Variants in TMEM80 observed in about 807,000 individuals in gnomAD.
TMEM80 encodes transmembrane protein 80.
Under a neutral mutation model 13.6 loss-of-function variants are expected in TMEM80, and 16 were observed. That is an observed-to-expected ratio of 1.17 (90% CI 0.79 to 1.78). The LOEUF is 1.78. Ranked by LOEUF, TMEM80 falls within the 40% of genes most tolerant of loss-of-function variation. The probability of loss-of-function intolerance (pLI) is 0.00; values close to 1 mark genes in which losing one functional copy is unlikely to be tolerated. For missense variants in TMEM80, 167 were observed against 184.6 expected (o/e 0.90, Z 0.55); for synonymous variants, 92 against 89.5 (o/e 1.03, Z -0.16).
chr11:704,371 G>C, downstream of TMEM80: 1 of 1,092,794 alleles, frequency 9.2e-7, no homozygotes, highest in Non-Finnish European at 1.2e-6. Context: ...TTTCCTGCCT[G>C]TCTTCGTGGA....
At chr11:704,222 C>A, downstream of TMEM80, 1 of 929,080 alleles carries the variant, frequency 1.1e-6, no homozygotes, top group Non-Finnish European at 1.4e-6. Context: ...CAGTTCCTGG[C>A]TGGCCTCGCC....
downstream of TMEM80, chr11:704,913 C>T (rs1207671662): frequency 1.4e-5 from 5 of 352,136 alleles, no homozygotes; most frequent in Non-Finnish European, 2.8e-5. Flanking sequence ...GGTGAGGGCA[C>T]GGGTGCACCG....
chr11:702,283 G>A (rs1417290055), intron 4 of TMEM80, among the ~76,000 whole-genome samples: 1 of 152,242 alleles, frequency 6.6e-6, no homozygotes, highest in Non-Finnish European at 1.5e-5. Context: ...TGCCCCCCAG[G>A]GCGGGCACTG....
At chr11:702,023 TC>T (rs1454886123) in intron 4 of TMEM80, among the ~76,000 whole-genome samples, 8 of 152,206 alleles carry the variant, frequency 5.3e-5, no homozygotes, top group Non-Finnish European at 1.2e-4. Flanking sequence ...AATGGGCACT[TC>T]CAGGGCGCTG....
Position 700,022 on chromosome 11 carries a change from T to C in TMEM80, c.40-120T>C. The stretch of plus-strand genomic sequence containing the variant: ...ATAGGCAGTGAGCCATTGCCAAGAC[T>C]CCATGGTCCCTTGGTGTCTGTGGCC... On this transcript the variant is annotated intron_variant, in intron 2 of 4. Coordinates refer to ENST00000397510, the MANE Select transcript of TMEM80 (RefSeq NM_001042463.3). 3 of 748,968 alleles carry C rather than the reference T, an allele frequency of 4.0e-6. No individual in the cohort carries two copies. In the South Asian group the frequency reaches 5.1e-5, roughly 13 times the overall value. 46.4% of individuals were successfully genotyped at this position (748,968 alleles called of 1,614,324 possible).
rs139696184 is a variant in TMEM80, at chr11:700,343, A to C, written c.133+108A>C. ...GGAGTTTGAGACCAGCCAGGCCAAC[A>C]TGGGGAAACCCCATCTCTACTAAAA... On this transcript the variant is annotated intron_variant, in intron 3 of 4. Transcript: ENST00000397510. 9.7e-6 allele frequency: 10 copies of C among 1,030,044 alleles called. No individual in the cohort carries two copies. The East Asian group carries it at 2.4e-4, about 25-fold the overall frequency. 63.8% of individuals were successfully genotyped at this position (1,030,044 alleles called of 1,614,324 possible). A position where few individuals can be genotyped will look rare whatever the true frequency, so the allele number is the denominator to read the frequency against.
At position 703,668 on chromosome 11, in the gene TMEM80, A is replaced by G. The variant is rs953260754; in HGVS notation, c.*518A>G. 7.3e-6 allele frequency: 9 copies of G among 1,232,176 alleles called. No homozygotes were observed. The highest frequency in any genetic ancestry group is 1.6e-5 in the African/African-American group (1 of 64,402). The allele number at this position is 1,232,176 out of a possible 1,614,324, so 76.3% of individuals were successfully genotyped here. On this transcript the variant is annotated 3_prime_UTR_variant, in exon 5 of 5. Coordinates refer to ENST00000397510, the MANE Select transcript of TMEM80 (RefSeq NM_001042463.3). Reference sequence around the variant, plus strand: ...TGGGGTAGGCCTTGTGCTCTGAGCAACCCCAGCTCTGCCTCACAGGCAGGC... The same window carrying G: ...TGGGGTAGGCCTTGTGCTCTGAGCAGCCCCAGCTCTGCCTCACAGGCAGGC...
At chr11:698,675 C>T (rs1861308013) in intron 1 of TMEM80, among the ~76,000 whole-genome samples, 194 bp from the exon 2 acceptor site, 1 of 152,130 alleles carries the variant, frequency 6.6e-6, no homozygotes, top group African/African-American at 2.4e-5. Flanking sequence ...GCAGAGACTC[C>T]TAGCCTCATT....
chr11:700,083 G>C (rs562629066), intron 2 of TMEM80, 59 bp from the exon 3 acceptor site: 3 of 1,465,784 alleles, frequency 2.0e-6, no homozygotes, highest in Non-Finnish European at 2.9e-6. Flanking sequence ...CTCTTGTTCA[G>C]CCACCTGGGA....
chr11:703,868 A>T lies in TMEM80; in HGVS notation c.*718A>T. ...GCAGGAGAGAGAGCAGCGGAGGGCC[A>T]CATTCGGAGCCTCCGTCCACTCCAG... On this transcript the variant is annotated 3_prime_UTR_variant, in exon 5 of 5. Coordinates refer to ENST00000397510, the MANE Select transcript of TMEM80 (RefSeq NM_001042463.3). 8.1e-7 allele frequency: 1 copy of T among 1,236,898 alleles called. No individual in the cohort carries two copies. Among genetic ancestry groups the T allele is most frequent in the Non-Finnish European group, 1.0e-6 (1 of 991,600 alleles). 76.6% of individuals were successfully genotyped at this position (1,236,898 alleles called of 1,614,324 possible). A position where few individuals can be genotyped will look rare whatever the true frequency, so the allele number is the denominator to read the frequency against.
intron 3 of TMEM80, 69 bp from the exon 4 acceptor site, chr11:700,546 A>G: frequency 3.3e-6 from 4 of 1,207,220 alleles, no homozygotes; most frequent in South Asian, 2.6e-5. Context: ...AAAAAGGAAA[A>G]GGCAAGCTGA....
chr11:699,329 G>A (rs968688319), intron 2 of TMEM80: 5 of 201,600 alleles, frequency 2.5e-5, no homozygotes, highest in South Asian at 9.8e-5. Flanking sequence ...GGCATCAGGC[G>A]GGAGCCACTG....
intron 4 of TMEM80, 113 bp downstream of exon 4, chr11:700,820 A>T (rs1181409792): frequency 2.3e-5 from 23 of 1,012,692 alleles, no homozygotes; most frequent in Admixed American, 6.9e-5. Flanking sequence ...TTTTTTATCC[A>T]AACTGCTTAC....
At chr11:697,151 G>A (rs1861229787) in intron 1 of TMEM80, among the ~76,000 whole-genome samples, 1 of 151,788 alleles carries the variant, frequency 6.6e-6, no homozygotes. Context: ...CTACGTGGGA[G>A]GCTGAGGCTG....
At chr11:700,560 G>GGCT in intron 3 of TMEM80, 55 bp from the exon 4 acceptor site, 1 of 1,359,784 alleles carries the variant, frequency 7.4e-7, no homozygotes, top group Non-Finnish European at 1.0e-6. Context: ...AAGCTGAGGT[G>GGCT]GCTGCTGCTG....
intron 1 of TMEM80, 67 bp downstream of exon 1, chr11:695,913 A>C: frequency 8.5e-7 from 1 of 1,172,790 alleles, no homozygotes; most frequent in Non-Finnish European, 1.1e-6. Context: ...CTGTGGTGAC[A>C]ATCCGGTTTC....
chr11:704,471 A>G, downstream of TMEM80: 1 of 1,289,398 alleles, frequency 7.8e-7, no homozygotes, highest in African/African-American at 1.5e-5. Context: ...GACAGCCCTG[A>G]GGACCCACTT....
chr11:703,873 C>G lies in TMEM80; in HGVS notation c.*723C>G. The G allele has an allele frequency of 8.1e-7, 1 of 1,237,360 alleles. No homozygotes were observed. Among genetic ancestry groups the G allele is most frequent in the Non-Finnish European group, 1.0e-6 (1 of 991,950 alleles). The allele number at this position is 1,237,360 out of a possible 1,614,324, so 76.6% of individuals were successfully genotyped here. A position where few individuals can be genotyped will look rare whatever the true frequency, so the allele number is the denominator to read the frequency against. On this transcript the variant is annotated 3_prime_UTR_variant, in exon 5 of 5. Coordinates refer to ENST00000397510, the MANE Select transcript of TMEM80 (RefSeq NM_001042463.3). ...AGAGAGAGCAGCGGAGGGCCACATT[C>G]GGAGCCTCCGTCCACTCCAGTTTTA...
At chr11:695,740 A>G, upstream of TMEM80, 1 of 1,240,120 alleles carries the variant, frequency 8.1e-7, no homozygotes, top group Non-Finnish European at 1.0e-6. Context: ...CCCCTTCGTC[A>G]GGAGACGCGA....
Sources: gnomAD v4.1 joint callset for allele counts (sites outside exome capture counted in the v4.1 genomes callset) on GRCh38, gnomAD v4.1.1 for gene constraint, MANE v1.5 for transcripts, NCBI Gene and HGNC (gene_info 2026-07-23, HGNC 2026-07-21) for gene names.